Variants in DAB1 observed in about 807,000 individuals in gnomAD.
DAB1 encodes disabled homolog 1.
In DAB1, 15 loss-of-function variants were observed where a neutral mutation model predicts 64.6. The ratio of observed to expected loss-of-function variants is 0.23; its 90% CI spans 0.16 to 0.36. The LOEUF is 0.36. Among genes scored for constraint, DAB1 ranks in the 10% least tolerant of loss-of-function variants. DAB1 has a pLI of 1.00. For missense variants in DAB1, 596 were observed against 706.7 expected, an observed-to-expected ratio of 0.84 and a Z score of 1.78; for synonymous variants, 235 against 251.9, an observed-to-expected ratio of 0.93 and a Z score of 0.64.
intron 3 of DAB1, among the ~76,000 whole-genome samples, chr1:58,436,600 T>A: frequency 6.6e-6 from 1 of 152,210 alleles, no homozygotes; most frequent in East Asian, 1.9e-4. Context: ...TATCAGAGAT[T>A]ACAAAAACAA....
intron 2 of DAB1, among the ~76,000 whole-genome samples, chr1:57,263,270 C>T (rs1184450616): frequency 1.3e-5 from 2 of 152,050 alleles, no homozygotes; most frequent in South Asian, 2.1e-4. Flanking sequence ...TGCCTGCCAC[C>T]GTGCCAGGCT....
chr1:57,587,691 A>G (rs1460544356), intron 7 of DAB1, among the ~76,000 whole-genome samples: 1 of 152,186 alleles, frequency 6.6e-6, no homozygotes, highest in Non-Finnish European at 1.5e-5. Context: ...TGACCTCCTC[A>G]ATTATCTAAG....
chr1:58,135,373 A>G (rs984937507), intron 5 of DAB1, among the ~76,000 whole-genome samples: 1 of 152,120 alleles, frequency 6.6e-6, no homozygotes, highest in African/African-American at 2.4e-5. Context: ...ACAAAGGTAA[A>G]TGGGGAGATT....
chr1:57,979,284 A>G lies in DAB1; in HGVS notation n.388-95122T>C, dbSNP rs193147277. 9.4e-4 allele frequency among the ~76,000 whole-genome samples: 143 copies of G among 152,324 alleles called. 1 individual carries two copies. The highest frequency in any genetic ancestry group is 6.2e-4 in the South Asian group (3 of 4,826). ...TTGCGGGGACATGGATGAAGCTAAA[A>G]ACCATCATTCTCAGCAAACTATCAC... On this transcript the variant is annotated intron_variant and non_coding_transcript_variant, in intron 5 of 20. Transcript: ENST00000485760.
At chr1:57,452,305 T>G (rs560051394) in intron 7 of DAB1, among the ~76,000 whole-genome samples, 1 of 151,814 alleles carries the variant, frequency 6.6e-6, no homozygotes, top group Non-Finnish European at 1.5e-5. Flanking sequence ...GCTTGGAATA[T>G]TGACTCATAG....
chr1:58,282,844 G>A (rs954386367), intron 4 of DAB1, among the ~76,000 whole-genome samples: 1 of 152,194 alleles, frequency 6.6e-6, no homozygotes, highest in Non-Finnish European at 1.5e-5. Context: ...CAGCTCTGTC[G>A]GCAGCCGCTT....
chr1:57,905,458 G>A (rs1236336669), intron 5 of DAB1, among the ~76,000 whole-genome samples: 1 of 152,122 alleles, frequency 6.6e-6, no homozygotes, highest in Non-Finnish European at 1.5e-5. Context: ...AAGCATCAAG[G>A]ATGGCTTCTA....
chr1:57,310,157 T>C (rs1336239914), intron 1 of DAB1, among the ~76,000 whole-genome samples: 1 of 152,116 alleles, frequency 6.6e-6, no homozygotes, highest in African/African-American at 2.4e-5. Context: ...GTGTCAGGTA[T>C]TGGTAAGTGT....
intron 4 of DAB1, among the ~76,000 whole-genome samples, chr1:58,190,805 A>G (rs1047168239): frequency 1.8e-4 from 28 of 152,258 alleles, no homozygotes; most frequent in African/African-American, 6.8e-4. Context: ...ACAAAAGAGA[A>G]GCGCAGCCAG....
At chr1:57,316,126 A>G (rs1208474822) in intron 1 of DAB1, among the ~76,000 whole-genome samples, 10 of 152,316 alleles carry the variant, frequency 6.6e-5, no homozygotes, top group Non-Finnish European at 7.4e-5. Flanking sequence ...TTATGAATCT[A>G]TAAGGCAGAG....
intron 6 of DAB1, among the ~76,000 whole-genome samples, chr1:57,796,420 G>A (rs562883241): frequency 2.6e-5 from 4 of 152,090 alleles, no homozygotes; most frequent in South Asian, 2.1e-4. Flanking sequence ...CCAACTACTC[G>A]GGAGGCTGAG....
chr1:57,832,060 A>T (rs1486876452), intron 1 of DAB1, among the ~76,000 whole-genome samples: 2 of 152,212 alleles, frequency 1.3e-5, no homozygotes, highest in African/African-American at 2.4e-5. Context: ...TAAATCATAT[A>T]CACTTGCATA....
chr1:57,341,037 C>CCCAGGTGCTGTTCTAA (rs1460291733), intron 1 of DAB1, among the ~76,000 whole-genome samples: 1 of 152,130 alleles, frequency 6.6e-6, no homozygotes, highest in African/African-American at 2.4e-5. Flanking sequence ...CCTTATTGTG[C>CCCAGGTGCTGTTCTAA]CCAGGTGCTG....
intron 3 of DAB1, among the ~76,000 whole-genome samples, chr1:58,419,011 T>A (rs1644747367): frequency 6.6e-6 from 1 of 152,188 alleles, no homozygotes; most frequent in African/African-American, 2.4e-5. Flanking sequence ...AGCCAGCACA[T>A]CAGCCCTGGG....
chr1:58,005,436 A>C (rs1348772068), intron 5 of DAB1, among the ~76,000 whole-genome samples: 1 of 152,130 alleles, frequency 6.6e-6, no homozygotes, highest in Non-Finnish European at 1.5e-5. Context: ...CAGCACTGAG[A>C]GCCTCACAAG....
At chr1:57,100,956 A>G (rs761856296) in intron 4 of DAB1, among the ~76,000 whole-genome samples, 2 of 152,154 alleles carry the variant, frequency 1.3e-5, no homozygotes, top group Non-Finnish European at 2.9e-5. Context: ...AAGCACTTTA[A>G]TCCTCCCATC....
intron 3 of DAB1, among the ~76,000 whole-genome samples, chr1:58,500,808 T>C (rs1005299119): frequency 2.0e-5 from 3 of 152,186 alleles, no homozygotes; most frequent in Admixed American, 6.5e-5. Context: ...AAGTGGAGAA[T>C]AAGAAATTCA....
exon 2 of DAB1, chr1:57,826,428 T>C (rs1652353669): frequency 6.6e-6 from 1 of 152,230 alleles, no homozygotes; most frequent in Non-Finnish European, 1.5e-5. Flanking sequence ...GGAAGGCTTC[T>C]TGGTGGAGGT....
chr1:58,278,140 T>C (rs1661496347), intron 4 of DAB1, among the ~76,000 whole-genome samples: 1 of 152,164 alleles, frequency 6.6e-6, no homozygotes, highest in African/African-American at 2.4e-5. Flanking sequence ...GGGTGGGGCC[T>C]GGTGGGAGGT....
Sources: gnomAD v4.1 joint callset for allele counts (sites outside exome capture counted in the v4.1 genomes callset) on GRCh38, gnomAD v4.1.1 for gene constraint, MANE v1.5 for transcripts, NCBI Gene and HGNC (gene_info 2026-07-23, HGNC 2026-07-21) for gene names.